The following RIMKLB variants were observed in gnomAD, a reference collection of about 807,000 sequenced individuals.
RIMKLB encodes ribosomal modification protein rimK like family member B, also known as beta-citrylglutamate synthase B.
A neutral mutation model predicts 32.0 loss-of-function variants in RIMKLB; 7 were observed. The observed-to-expected ratio is 0.22, with a 90% CI of 0.12 to 0.41. The LOEUF is 0.41. Among genes scored for constraint, RIMKLB ranks in the 10% least tolerant of loss-of-function variants. RIMKLB has a pLI of 1.00. For synonymous variants in RIMKLB, 172 were observed against 185.1 expected (o/e 0.93, Z 0.57); for missense variants, 289 against 498.7 (o/e 0.58, Z 4.00).
At chr12:8,747,338 A>G (rs1344244966) in intron 2 of RIMKLB, among the ~76,000 whole-genome samples, 1 of 151,970 alleles carries the variant, frequency 6.6e-6, no homozygotes, top group Non-Finnish European at 1.5e-5. Flanking sequence ...TATTGTTAAC[A>G]TTTTTGCCCC....
rs12304763 is a variant in RIMKLB at position 8,729,654 on chromosome 12, G to T, written c.175+15613G>T. ...ACCAGGCTTTTTGGCTTGAGGGTTG[G>T]GCCCTCACCAGGGATCTGCCCTCTT... On this transcript the variant is annotated intron_variant, in intron 2 of 5. Coordinates refer to ENST00000535829, the MANE Select transcript of RIMKLB (RefSeq NM_001297776.2). 2.7e-3 allele frequency among the ~76,000 whole-genome samples: 410 copies of T among 152,144 alleles called. 1 individual carries two copies. Among genetic ancestry groups the T allele is most frequent in the African/African-American group, 9.6e-3 (397 of 41,498 alleles).
chr12:8,710,305 TTC>T (rs1409531778), intron 1 of RIMKLB, among the ~76,000 whole-genome samples: 1 of 145,710 alleles, frequency 6.9e-6, no homozygotes, highest in Non-Finnish European at 1.5e-5. Context: ...GTTTGTTTCC[TTC>T]TTTTTTTTTT....
At chr12:8,714,302 C>A in intron 2 of RIMKLB, 1 of 312,100 alleles carries the variant, frequency 3.2e-6, no homozygotes. Context: ...TCTGTAGTTC[C>A]AGAGGCTAAG....
intron 2 of RIMKLB, chr12:8,743,136 C>G (rs2137549002): frequency 6.6e-6 from 1 of 152,032 alleles, no homozygotes; most frequent in East Asian, 1.9e-4. Flanking sequence ...GGCGGATCAC[C>G]TAAACTCAGG....
exon 1 of RIMKLB, chr12:8,681,644 C>T (rs961490148): frequency 2.6e-5 from 4 of 152,150 alleles, no homozygotes. Flanking sequence ...GGAAATAAAG[C>T]TCTATAAAAA....
chr12:8,700,095 T>C (rs1943257002), intron 1 of RIMKLB: 1 of 152,130 alleles, frequency 6.6e-6, no homozygotes, highest in Non-Finnish European at 1.5e-5. Flanking sequence ...AGAGTGACAA[T>C]AAATTAGCCC....
the RIMKLB span, among the ~76,000 whole-genome samples, chr12:8,672,537 A>G: frequency 6.6e-6 from 1 of 152,118 alleles, no homozygotes; most frequent in Non-Finnish European, 1.5e-5. Flanking sequence ...CAAAAGTGGA[A>G]ACCCCCGATA....
chr12:8,716,725 CTT>C (rs71451981), intron 2 of RIMKLB, among the ~76,000 whole-genome samples: 2,136 of 95,072 alleles, frequency 0.022, 36 homozygotes, highest in African/African-American at 0.081. Flanking sequence ...TCTTTTCCTT[CTT>C]TTTTTTTTTT....
intron 2 of RIMKLB, among the ~76,000 whole-genome samples, chr12:8,728,082 T>C (rs900746118): frequency 6.6e-6 from 1 of 152,176 alleles, no homozygotes; most frequent in Non-Finnish European, 1.5e-5. Context: ...CTGTGGGGGA[T>C]CCTGGAACTA....
At chr12:8,732,724 C>A (rs963628215) in intron 2 of RIMKLB, among the ~76,000 whole-genome samples, 2 of 150,638 alleles carry the variant, frequency 1.3e-5, no homozygotes, top group African/African-American at 5.0e-5. Flanking sequence ...CGGGGGAAAG[C>A]GTTATGCATG....
At chr12:8,758,979 A>G (rs937591015) in intron 5 of RIMKLB, among the ~76,000 whole-genome samples, 8 of 152,192 alleles carry the variant, frequency 5.3e-5, no homozygotes, top group African/African-American at 1.9e-4. Flanking sequence ...ATTTGTATTC[A>G]GTGTTTTACT....
chr12:8,777,484 T>C (rs750610162), downstream of RIMKLB: 22 of 1,117,740 alleles, frequency 2.0e-5, no homozygotes, highest in African/African-American at 3.3e-5. Flanking sequence ...AAATTCTTTC[T>C]ATATTAATGA....
intron 1 of RIMKLB, among the ~76,000 whole-genome samples, chr12:8,690,490 TACAA>T (rs146670735): frequency 1.6e-3 from 242 of 152,356 alleles, no homozygotes; most frequent in African/African-American, 5.4e-3. Flanking sequence ...TCGGAGGGAT[TACAA>T]ACAGTGTTTG....
At chr12:8,759,334 G>T (rs902576797) in intron 5 of RIMKLB, among the ~76,000 whole-genome samples, 2 of 152,142 alleles carry the variant, frequency 1.3e-5, no homozygotes, top group Non-Finnish European at 2.9e-5. Context: ...GGTAGAGGTT[G>T]CAGTGAGCCA....
chr12:8,699,277 C>A (rs2136660297), intron 1 of RIMKLB, among the ~76,000 whole-genome samples: 1 of 152,076 alleles, frequency 6.6e-6, no homozygotes, highest in African/African-American at 2.4e-5. Context: ...TTTTTGTGGG[C>A]TTGGTATGTT....
At chr12:8,727,010 A>G (rs1023853883) in intron 2 of RIMKLB, among the ~76,000 whole-genome samples, 7 of 152,130 alleles carry the variant, frequency 4.6e-5, no homozygotes, top group Admixed American at 1.3e-4. Context: ...TGCAATATAC[A>G]TTTACAATTA....
upstream of RIMKLB, chr12:8,697,769 C>G: frequency 5.0e-6 from 1 of 198,378 alleles, no homozygotes; most frequent in Non-Finnish European, 1.1e-5. Context: ...GAGGGCGGCT[C>G]TCGACGCAGG....
intron 2 of RIMKLB, among the ~76,000 whole-genome samples, chr12:8,722,962 A>G (rs986465133): frequency 6.6e-6 from 1 of 152,190 alleles, no homozygotes; most frequent in Non-Finnish European, 1.5e-5. Context: ...GGCTGGTTGG[A>G]TGTTTTATCC....
At chr12:8,762,989 G>T (rs1389164917) in intron 5 of RIMKLB, among the ~76,000 whole-genome samples, 1 of 152,212 alleles carries the variant, frequency 6.6e-6, no homozygotes, top group Admixed American at 6.5e-5. Context: ...CAAGTGCACA[G>T]TTGCAGCACT....
Sources: allele counts gnomAD v4.1 joint callset (sites outside exome capture counted in the v4.1 genomes callset), GRCh38; gene constraint gnomAD v4.1.1; transcripts MANE v1.5; gene names NCBI Gene and HGNC (gene_info 2026-07-23, HGNC 2026-07-21).